The following CTNND2 variants were observed in gnomAD, a reference collection of about 807,000 sequenced individuals.
CTNND2 encodes catenin delta-2.
A neutral mutation model predicts 144.4 loss-of-function variants in CTNND2; 22 were observed. The observed-to-expected ratio is 0.15, with a 90% CI of 0.11 to 0.22. The LOEUF (loss-of-function observed/expected upper bound fraction) is 0.22, where lower values mean the gene tolerates loss of function less well. CTNND2 is among the 10% of genes least tolerant of loss of function. The probability of loss-of-function intolerance (pLI) is 1.00; values close to 1 mark genes in which losing one functional copy is unlikely to be tolerated. For synonymous variants in CTNND2, 751 were observed against 695.6 expected, an observed-to-expected ratio of 1.08 and a Z score of -1.25; for missense variants, 1,353 against 1,618.8, an observed-to-expected ratio of 0.84 and a Z score of 2.82.
At chr5:11,431,695 C>A (rs527243678) in intron 3 of CTNND2, among the ~76,000 whole-genome samples, 2 of 152,094 alleles carry the variant, frequency 1.3e-5, no homozygotes, top group East Asian at 3.9e-4. Flanking sequence ...TGAAGCCCTC[C>A]GAAACCTTCC....
intron 3 of CTNND2, among the ~76,000 whole-genome samples, chr5:11,560,569 G>C (rs1776603083): frequency 6.6e-6 from 1 of 152,178 alleles, no homozygotes; most frequent in Admixed American, 6.5e-5. Flanking sequence ...TTCTGTGGTA[G>C]GGCACTTATG....
chr5:11,378,340 A>G (rs746412773), intron 7 of CTNND2, among the ~76,000 whole-genome samples: 3 of 152,214 alleles, frequency 2.0e-5, no homozygotes, highest in Non-Finnish European at 4.4e-5. Context: ...CATGGCCAGC[A>G]GGGAAGGCAA....
At chr5:11,546,574 A>G (rs1368596789) in intron 3 of CTNND2, among the ~76,000 whole-genome samples, 3 of 152,358 alleles carry the variant, frequency 2.0e-5, no homozygotes, top group East Asian at 1.9e-4. Flanking sequence ...GCACTTCTAT[A>G]TAAAACAGAA....
chr5:11,330,694 G>C (rs1753045640), intron 9 of CTNND2, among the ~76,000 whole-genome samples: 1 of 150,564 alleles, frequency 6.6e-6, no homozygotes, highest in South Asian at 2.1e-4. Flanking sequence ...AGCTGGGCAT[G>C]CTCACTTGAA....
chr5:11,414,669 GGTTTGTTGTA>G (rs1761794347), intron 3 of CTNND2, among the ~76,000 whole-genome samples: 1 of 152,130 alleles, frequency 6.6e-6, no homozygotes, highest in South Asian at 2.1e-4. Context: ...ATGTCATGGG[GGTTTGTTGTA>G]CAGATTATTT....
In CTNND2 at chr5:11,191,513, G is replaced by T. The variant is rs1736238608; in HGVS notation, c.1975+7935C>A. Among the ~76,000 whole-genome samples the T allele has an allele frequency of 1.3e-5, 2 of 152,202 alleles. 1 individual carries two copies. The highest frequency in any genetic ancestry group is 1.3e-4 in the Admixed American group (2 of 15,278). Reference sequence around the variant, plus strand: ...GTCACCCCAGCTGAACTGCAACTATGCTTCCCAGGATTTCCCTCCCTGCTT... The same window carrying T: ...GTCACCCCAGCTGAACTGCAACTATTCTTCCCAGGATTTCCCTCCCTGCTT... On this transcript the variant is annotated intron_variant, in intron 11 of 21. Coordinates refer to ENST00000304623, the MANE Select transcript of CTNND2 (RefSeq NM_001332.4).
intron 2 of CTNND2, among the ~76,000 whole-genome samples, chr5:11,657,415 C>CTA (rs1390258742): frequency 6.6e-6 from 1 of 151,948 alleles, no homozygotes; most frequent in Admixed American, 6.6e-5. Flanking sequence ...TTGTATTTAG[C>CTA]TATCTCTCTC....
intron 12 of CTNND2, among the ~76,000 whole-genome samples, chr5:11,145,120 C>T (rs1757119562): frequency 1.3e-5 from 2 of 151,998 alleles, no homozygotes; most frequent in Non-Finnish European, 2.9e-5. Context: ...TGATAAACAA[C>T]GTACACATTT....
At chr5:11,632,914 G>C (rs1195075182) in intron 2 of CTNND2, among the ~76,000 whole-genome samples, 1 of 152,176 alleles carries the variant, frequency 6.6e-6, no homozygotes, top group Non-Finnish European at 1.5e-5. Flanking sequence ...GAAAATCTCA[G>C]CGTACTTGAA....
At chr5:11,215,143 A>G (rs752030347) in intron 10 of CTNND2, among the ~76,000 whole-genome samples, 24 of 152,170 alleles carry the variant, frequency 1.6e-4, no homozygotes, top group Non-Finnish European at 1.8e-4. Context: ...CTTCTGCAAT[A>G]TGTCTGATTG....
intron 1 of CTNND2, among the ~76,000 whole-genome samples, chr5:11,834,104 A>C (rs1794049415): frequency 6.6e-6 from 1 of 152,260 alleles, no homozygotes; most frequent in Middle Eastern, 3.4e-3. Flanking sequence ...GATTGTAGTA[A>C]AGTGCTAAGG....
chr5:11,621,672 T>A (rs1780849580), intron 2 of CTNND2, among the ~76,000 whole-genome samples: 1 of 152,222 alleles, frequency 6.6e-6, no homozygotes, highest in Non-Finnish European at 1.5e-5. Flanking sequence ...CTTAGCTTCC[T>A]TCATGCAACA....
rs562002982 is a variant in CTNND2, at chr5:11,393,805, T to C, written c.612+3226A>G. Among the ~76,000 whole-genome samples the C allele has an allele frequency of 9.9e-5, 15 of 152,270 alleles. No homozygotes were observed. The East Asian group carries it at 1.9e-3, about 20-fold the overall frequency. On this transcript the variant is annotated intron_variant, in intron 6 of 21. Transcript: ENST00000304623. ...CAACTAACTATAGGATATCACTTATTATATGACAGAGTAATGTTTTTAACA... is the reference window on the plus strand; with the variant it reads ...CAACTAACTATAGGATATCACTTATCATATGACAGAGTAATGTTTTTAACA...
intron 2 of CTNND2, among the ~76,000 whole-genome samples, chr5:11,674,376 G>C (rs1299628149): frequency 6.6e-6 from 1 of 152,094 alleles, no homozygotes; most frequent in Non-Finnish European, 1.5e-5. Flanking sequence ...TTTTAGCGTA[G>C]TTTTAGGTTC....
intron 16 of CTNND2, among the ~76,000 whole-genome samples, chr5:11,036,467 C>G (rs1744080256): frequency 6.6e-6 from 1 of 152,064 alleles, no homozygotes; most frequent in African/African-American, 2.4e-5. Context: ...GTTACCCAGG[C>G]TGGAGTGCAA....
At chr5:11,640,925 G>A (rs557572808) in intron 2 of CTNND2, among the ~76,000 whole-genome samples, 15 of 152,148 alleles carry the variant, frequency 9.9e-5, no homozygotes, top group East Asian at 1.9e-4. Flanking sequence ...ATGGCATTAG[G>A]AACATACTCT....
chr5:11,311,742 C>CAT (rs1488885049), intron 9 of CTNND2, among the ~76,000 whole-genome samples: 1 of 146,830 alleles, frequency 6.8e-6, no homozygotes, highest in Non-Finnish European at 1.5e-5. Context: ...CTCACATGCC[C>CAT]ATATGCTCAC....
chr5:11,583,790 G>T (rs767048220), intron 2 of CTNND2, among the ~76,000 whole-genome samples: 25 of 152,098 alleles, frequency 1.6e-4, no homozygotes, highest in Non-Finnish European at 2.5e-4. Context: ...GTTCCTAAAT[G>T]GAATATGCAT....
At chr5:11,064,398 C>A (rs185183300) in intron 16 of CTNND2, among the ~76,000 whole-genome samples, 89 of 152,224 alleles carry the variant, frequency 5.8e-4, no homozygotes, top group Non-Finnish European at 1.1e-3. Flanking sequence ...TGTGAAAAGT[C>A]CTGAACCTGG....
Sources: gnomAD v4.1 joint callset for allele counts (sites outside exome capture counted in the v4.1 genomes callset) on GRCh38, gnomAD v4.1.1 for gene constraint, MANE v1.5 for transcripts, NCBI Gene and HGNC (gene_info 2026-07-23, HGNC 2026-07-21) for gene names.